KAZN: variants seen among roughly 807,000 people sequenced by gnomAD.
The protein encoded by KAZN is kazrin, periplakin interacting protein.
A neutral mutation model predicts 87.4 loss-of-function variants in KAZN; 40 were observed. That is an observed-to-expected ratio of 0.46 (90% CI 0.36 to 0.60). The LOEUF (loss-of-function observed/expected upper bound fraction) is 0.60, where lower values mean the gene tolerates loss of function less well. KAZN is among the 20% of genes least tolerant of loss of function. KAZN has a pLI of 0.00. For synonymous variants in KAZN, 466 were observed against 458.3 expected (o/e 1.02, Z -0.22); for missense variants, 898 against 1,073.9 (o/e 0.84, Z 2.29).
intron 2 of KAZN, among the ~76,000 whole-genome samples, chr1:14,474,722 G>C (rs1009839177): frequency 6.6e-5 from 10 of 152,176 alleles, no homozygotes; most frequent in African/African-American, 1.9e-4. Flanking sequence ...AGAATAGAAA[G>C]CATGGAAGTA....
intron 1 of KAZN, among the ~76,000 whole-genome samples, chr1:14,764,916 G>T (rs1197695483): frequency 6.6e-6 from 1 of 152,202 alleles, no homozygotes; most frequent in Non-Finnish European, 1.5e-5. Context: ...TATTTTATAG[G>T]TAAGGAAATG....
intron 1 of KAZN, among the ~76,000 whole-genome samples, chr1:14,000,091 C>A (rs557419646): frequency 6.6e-6 from 1 of 152,150 alleles, no homozygotes; most frequent in Non-Finnish European, 1.5e-5. Flanking sequence ...CAGGACCAGA[C>A]GGATTCACAG....
chr1:14,515,923 C>T (rs1037921065), intron 2 of KAZN, among the ~76,000 whole-genome samples: 3 of 152,136 alleles, frequency 2.0e-5, no homozygotes, highest in Non-Finnish European at 2.9e-5. Flanking sequence ...CATGGTCTCA[C>T]GTAAGCTCCA....
intron 2 of KAZN, among the ~76,000 whole-genome samples, chr1:14,342,251 GTTGAT>G (rs1291544831): frequency 1.3e-5 from 2 of 152,144 alleles, no homozygotes; most frequent in Non-Finnish European, 2.9e-5. Context: ...GGGCATTTAG[GTTGAT>G]TCCACGTCTG....
At chr1:15,029,795 A>T (rs1482104860) in intron 2 of KAZN, among the ~76,000 whole-genome samples, 4 of 152,224 alleles carry the variant, frequency 2.6e-5, no homozygotes, top group African/African-American at 9.6e-5. Flanking sequence ...AAGCAGAGGC[A>T]TGATTTCCCT....
At chr1:14,870,043 A>G (rs959940848) in intron 1 of KAZN, among the ~76,000 whole-genome samples, 2 of 152,186 alleles carry the variant, frequency 1.3e-5, no homozygotes, top group South Asian at 2.1e-4. Flanking sequence ...TTTTTCCCCA[A>G]TGAGATGAAA....
At chr1:14,183,600 G>A (rs1646244364) in intron 2 of KAZN, among the ~76,000 whole-genome samples, 1 of 152,078 alleles carries the variant, frequency 6.6e-6, no homozygotes, top group African/African-American at 2.4e-5. Flanking sequence ...CCGAAGAAGC[G>A]ATTCTTTCTG....
At chr1:14,414,344 GAA>G (rs5772578) in intron 2 of KAZN, among the ~76,000 whole-genome samples, 3,159 of 107,834 alleles carry the variant, frequency 0.029, 52 homozygotes, top group Middle Eastern at 0.052. Flanking sequence ...TTTGTCATAG[GAA>G]AAAAAAAAAA....
intron 2 of KAZN, among the ~76,000 whole-genome samples, chr1:14,471,106 C>T (rs955518882): frequency 4.6e-5 from 7 of 152,116 alleles, no homozygotes; most frequent in South Asian, 2.1e-4. Context: ...ATGAGAGACC[C>T]GGAGCCAGAA....
At chr1:14,456,802 G>A (rs546441088) in intron 2 of KAZN, among the ~76,000 whole-genome samples, 2 of 152,218 alleles carry the variant, frequency 1.3e-5, no homozygotes, top group African/African-American at 4.8e-5. Context: ...ATATGCAGCC[G>A]GGTGTGGTGG....
intron 1 of KAZN, among the ~76,000 whole-genome samples, chr1:14,854,458 G>A (rs1366142995): frequency 6.6e-6 from 1 of 152,182 alleles, no homozygotes; most frequent in East Asian, 1.9e-4. Flanking sequence ...GAAGTTCAAG[G>A]ACATGACCCT....
intron 2 of KAZN, among the ~76,000 whole-genome samples, chr1:14,966,467 G>A (rs1371690077): frequency 2.6e-5 from 4 of 152,102 alleles, no homozygotes; most frequent in Non-Finnish European, 4.4e-5. Context: ...TCTGGCGTAC[G>A]CAGTTTTGTA....
In KAZN at chr1:14,386,943, A is replaced by T. The variant is rs547601525; in HGVS notation, c.249+206351A>T. Among the ~76,000 whole-genome samples the T allele has an allele frequency of 2.7e-4, 41 of 152,282 alleles. No homozygotes were observed. In the South Asian group the frequency reaches 3.1e-3, roughly 12 times the overall value. On this transcript the variant is annotated intron_variant, in intron 2 of 16. Coordinates refer to the KAZN transcript ENST00000636203. Reference sequence around the variant, plus strand: ...TGGTTCCATTCTCCCCGTCACTTTCAGGTACACCAGTCAGACATAGATTTG... The same window carrying T: ...TGGTTCCATTCTCCCCGTCACTTTCTGGTACACCAGTCAGACATAGATTTG...
At chr1:14,439,387 T>C (rs1162816474) in intron 2 of KAZN, among the ~76,000 whole-genome samples, 1 of 152,192 alleles carries the variant, frequency 6.6e-6, no homozygotes, top group African/African-American at 2.4e-5. Flanking sequence ...TTGAAAACTA[T>C]AACTGCCTCC....
At chr1:14,971,699 T>G (rs1405148230) in intron 2 of KAZN, among the ~76,000 whole-genome samples, 1 of 136,474 alleles carries the variant, frequency 7.3e-6, no homozygotes, top group African/African-American at 3.3e-5. Flanking sequence ...TTTTTTTTTT[T>G]GAGACGGACT....
intron 2 of KAZN, among the ~76,000 whole-genome samples, chr1:14,521,135 AG>A (rs1347989530): frequency 2.0e-5 from 3 of 152,140 alleles, no homozygotes; most frequent in Non-Finnish European, 4.4e-5. Flanking sequence ...GCAGATGCTG[AG>A]GGAGGGGTGC....
intron 2 of KAZN, among the ~76,000 whole-genome samples, chr1:14,429,080 G>A (rs1321258184): frequency 6.6e-6 from 1 of 152,092 alleles, no homozygotes; most frequent in Non-Finnish European, 1.5e-5. Context: ...TCATAAGGGA[G>A]TTTTTCTCTC....
chr1:14,089,166 A>C (rs991175806), intron 1 of KAZN, among the ~76,000 whole-genome samples: 19 of 151,890 alleles, frequency 1.3e-4, no homozygotes, highest in African/African-American at 4.6e-4. Flanking sequence ...ATTCTTTTAA[A>C]ATTTTTCTAT....
chr1:14,034,351 G>T (rs1641456080), intron 1 of KAZN, among the ~76,000 whole-genome samples: 1 of 152,152 alleles, frequency 6.6e-6, no homozygotes, highest in Admixed American at 6.5e-5. Context: ...CTCCGGTGAG[G>T]CTGTTTACAA....
Sources: allele counts gnomAD v4.1 joint callset (sites outside exome capture counted in the v4.1 genomes callset), GRCh38; gene constraint gnomAD v4.1.1; transcripts MANE v1.5; gene names NCBI Gene and HGNC (gene_info 2026-07-23, HGNC 2026-07-21).